The following KCNK1 variants were observed in gnomAD, a reference collection of about 807,000 sequenced individuals.
The protein encoded by KCNK1 is potassium channel subfamily K member 1.
In KCNK1, 10 loss-of-function variants were observed where a neutral mutation model predicts 22.2. The ratio of observed to expected loss-of-function variants is 0.45; its 90% CI spans 0.28 to 0.76. KCNK1 has a LOEUF of 0.76. Among genes scored for constraint, KCNK1 ranks in the 30% least tolerant of loss-of-function variants. The pLI is 0.14. For missense variants in KCNK1, 378 were observed against 421.0 expected (o/e 0.90, Z 0.89); for synonymous variants, 200 against 186.4 (o/e 1.07, Z -0.60).
At chr1:233,659,065 T>C (rs1294308835) in intron 1 of KCNK1, among the ~76,000 whole-genome samples, 1 of 152,212 alleles carries the variant, frequency 6.6e-6, no homozygotes, top group South Asian at 2.1e-4. Flanking sequence ...CTTTATAAAC[T>C]TTTTAATGTT....
At chr1:233,633,209 A>G (rs902992196) in intron 1 of KCNK1, among the ~76,000 whole-genome samples, 1 of 150,456 alleles carries the variant, frequency 6.6e-6, no homozygotes, top group African/African-American at 2.5e-5. Flanking sequence ...TCTATCCCAT[A>G]CTAGATGGAT....
At chr1:233,668,074 C>T (rs1278443988) in intron 2 of KCNK1, among the ~76,000 whole-genome samples, 1 of 152,148 alleles carries the variant, frequency 6.6e-6, no homozygotes, top group African/African-American at 2.4e-5. Context: ...TCATAGAAAA[C>T]TTAACCATCC....
At chr1:233,632,685 G>C (rs1458995204) in intron 1 of KCNK1, among the ~76,000 whole-genome samples, 1 of 152,020 alleles carries the variant, frequency 6.6e-6, no homozygotes, top group Non-Finnish European at 1.5e-5. Context: ...TCCCTGCATT[G>C]GTGCTTCTGC....
At chr1:233,658,047 GAA>G (rs1658330184) in intron 1 of KCNK1, among the ~76,000 whole-genome samples, 1 of 152,194 alleles carries the variant, frequency 6.6e-6, no homozygotes, top group Admixed American at 6.5e-5. Context: ...AGGGTGGTGT[GAA>G]AAGACATGGC....
Position 233,614,198 on chromosome 1 carries a change from G to C in KCNK1, c.27G>C (p.Ser9=), listed in dbSNP as rs1339639755. 12 of 1,607,912 alleles carry C rather than the reference G, an allele frequency of 7.5e-6. No individual in the cohort carries two copies. Among genetic ancestry groups the C allele is most frequent in the Non-Finnish European group, 1.0e-5 (12 of 1,179,512 alleles). The change falls in exon 1 of 3, where the codon TCG becomes TCC. Residue 9 remains serine, a synonymous_variant. Transcript: ENST00000366621. MLQSLAGS[S]CVRLVERHRS... The stretch of plus-strand genomic sequence containing the variant: ...TGCTGCAGTCCCTGGCCGGCAGCTC[G>C]TGCGTGCGCCTGGTGGAGCGGCACC...
At chr1:233,664,285 C>T (rs892465005) in intron 1 of KCNK1, among the ~76,000 whole-genome samples, 7 of 152,108 alleles carry the variant, frequency 4.6e-5, no homozygotes, top group Admixed American at 3.9e-4. Context: ...TTCCTCAGAA[C>T]GAGTCTCATT....
At chr1:233,630,843 G>A (rs540520912) in intron 1 of KCNK1, 1 of 159,898 alleles carries the variant, frequency 6.3e-6, no homozygotes, top group African/African-American at 2.4e-5. Context: ...AGGTTGATGA[G>A]ACTTTCAATC....
intron 1 of KCNK1, among the ~76,000 whole-genome samples, chr1:233,618,922 A>C (rs1440602473): frequency 1.3e-5 from 2 of 152,152 alleles, no homozygotes; most frequent in Non-Finnish European, 2.9e-5. Flanking sequence ...AAAACAAAAA[A>C]TAATTTTTGT....
At chr1:233,630,349 T>A (rs1321474693) in intron 1 of KCNK1, among the ~76,000 whole-genome samples, 1 of 152,220 alleles carries the variant, frequency 6.6e-6, no homozygotes, top group South Asian at 2.1e-4. Flanking sequence ...TTAACTAAGC[T>A]TTAGTTTACT....
intron 1 of KCNK1, chr1:233,631,277 A>G (rs701225): frequency 0.31 from 164,150 of 522,748 alleles, 31,556 homozygotes; most frequent in African/African-American, 0.71. Flanking sequence ...GACAACATCA[A>G]GATATGAAAG....
intron 1 of KCNK1, among the ~76,000 whole-genome samples, chr1:233,620,334 T>C (rs1657560301): frequency 6.6e-6 from 1 of 152,244 alleles, no homozygotes; most frequent in African/African-American, 2.4e-5. Flanking sequence ...GTATTCTGAA[T>C]ATTTCACTTT....
At chr1:233,670,051 G>C (rs1338464511) in intron 2 of KCNK1, among the ~76,000 whole-genome samples, 1 of 152,018 alleles carries the variant, frequency 6.6e-6, no homozygotes, top group Non-Finnish European at 1.5e-5. Context: ...TTTTACCACT[G>C]GGACATAAAA....
chr1:233,633,430 T>C (rs1657840117), intron 1 of KCNK1, among the ~76,000 whole-genome samples: 1 of 152,114 alleles, frequency 6.6e-6, no homozygotes, highest in East Asian at 1.9e-4. Flanking sequence ...CCCAATGAAC[T>C]TAATGTTTGT....
chr1:233,639,411 A>C lies in KCNK1; in HGVS notation c.355+24885A>C, dbSNP rs1196196122. On this transcript the variant is annotated intron_variant, in intron 1 of 2. Transcript: ENST00000366621. ...CATAGGGATGTGAATATCAGAACCAAAGTGTATTCCTGTGTATTTTGATTA... is the reference window on the plus strand; with the variant it reads ...CATAGGGATGTGAATATCAGAACCACAGTGTATTCCTGTGTATTTTGATTA... Among the ~76,000 whole-genome samples the C allele has an allele frequency of 3.9e-5, 6 of 152,344 alleles. No homozygotes were observed. The East Asian group carries it at 1.2e-3, about 29-fold the overall frequency.
intron 1 of KCNK1, among the ~76,000 whole-genome samples, chr1:233,654,470 T>C (rs777971060): frequency 9.2e-5 from 14 of 152,174 alleles, no homozygotes; most frequent in Non-Finnish European, 1.9e-4. Context: ...GATAAGGAAA[T>C]TTCTAGGCAA....
intron 1 of KCNK1, among the ~76,000 whole-genome samples, chr1:233,618,869 C>T (rs1435573789): frequency 1.3e-5 from 2 of 152,002 alleles, no homozygotes; most frequent in Non-Finnish European, 2.9e-5. Context: ...GGCGACAGAG[C>T]AAGACTCCAT....
chr1:233,647,366 G>A (rs1658117313), intron 1 of KCNK1, among the ~76,000 whole-genome samples: 2 of 152,126 alleles, frequency 1.3e-5, no homozygotes, highest in African/African-American at 2.4e-5. Flanking sequence ...ATGTAGTTGG[G>A]GCTCAGGAAA....
rs372246908 is a variant in KCNK1 at position 233,666,811 on chromosome 1, C to T, written c.572C>T (p.Thr191Ile). ...CATGCCGTGCTCCTTGGGTTTGTCA[C>T]TGTGTCCTGCTTCTTCTTCATCCCG... ...IVHAVLLGFV[T>I]VSCFFFIPAA... Residue 191 changes from threonine (T) to isoleucine (I), a missense_variant, in exon 2 of 3, where the codon ACT (threonine) becomes ATT (isoleucine). Thr to Ile is a moderately conservative substitution (Grantham distance 89, BLOSUM62 -1). Transcript: ENST00000366621. 20 of 1,614,234 alleles carry T rather than the reference C, an allele frequency of 1.2e-5. No homozygotes were observed. Among genetic ancestry groups the T allele is most frequent in the Non-Finnish European group, 1.7e-5 (20 of 1,180,054 alleles).
In KCNK1 at chr1:233,671,719, G is replaced by A. The variant is rs73107506; in HGVS notation, c.*189G>A. 0.25 allele frequency: 163,492 copies of A among 652,024 alleles called. 22,401 individuals are homozygous for A. The highest frequency in any genetic ancestry group is 0.28 in the Non-Finnish European group (110,598 of 388,768). The allele number at this position is 652,024 out of a possible 1,614,324, so 40.4% of individuals were successfully genotyped here. ...GAACAAAGAAGCTGTGACCCCAGCAGGATGTCTAATATGTGAGGAAATGAG... is the reference window on the plus strand; with the variant it reads ...GAACAAAGAAGCTGTGACCCCAGCAAGATGTCTAATATGTGAGGAAATGAG... On this transcript the variant is annotated 3_prime_UTR_variant, in exon 3 of 3. Transcript: ENST00000366621.
Sources: gnomAD v4.1 joint callset for allele counts (sites outside exome capture counted in the v4.1 genomes callset) on GRCh38, gnomAD v4.1.1 for gene constraint, MANE v1.5 for transcripts, NCBI Gene and HGNC (gene_info 2026-07-23, HGNC 2026-07-21) for gene names.